LRRC27: variants seen among roughly 807,000 people sequenced by gnomAD.
LRRC27 encodes the protein leucine-rich repeat-containing protein 27.
Under a neutral mutation model 55.0 loss-of-function variants are expected in LRRC27, and 57 were observed. That is an observed-to-expected ratio of 1.04 (90% CI 0.84 to 1.29). The LOEUF is 1.29. Ranked by LOEUF, LRRC27 falls within the 50% of genes most tolerant of loss-of-function variation. The pLI is 0.00. For missense variants in LRRC27, 721 were observed against 651.5 expected, an observed-to-expected ratio of 1.11 and a Z score of -1.16; for synonymous variants, 278 against 251.9, an observed-to-expected ratio of 1.10 and a Z score of -0.98.
chr10:132,348,223 C>T lies in LRRC27; in HGVS notation c.793C>T (p.Leu265=), dbSNP rs762536825. ...SEEEIRRFWK[L]RQEIVEHVKA... ...GGAGGAGATCAGGCGCTTTTGGAAGCTGAGGCAGGAGATTGTTGAGCACGT... is the reference window on the plus strand; with the variant it reads ...GGAGGAGATCAGGCGCTTTTGGAAGTTGAGGCAGGAGATTGTTGAGCACGT... Residue 265 remains leucine, a synonymous_variant, in exon 6 of 11, where the codon CTG becomes TTG. Coordinates refer to ENST00000368614, the MANE Select transcript of LRRC27 (RefSeq NM_030626.3). The surrounding 1 kb of genome is among the most constrained non-coding windows in gnomAD (Gnocchi z 4.2). 6.2e-7 allele frequency: 1 copy of T among 1,614,092 alleles called. No individual in the cohort carries two copies. Among genetic ancestry groups the T allele is most frequent in the Non-Finnish European group, 8.5e-7 (1 of 1,180,044 alleles).
rs1336714355 is a variant in LRRC27 at position 132,344,621 on chromosome 10, A to C, written c.524A>C (p.His175Pro). 6 of 1,613,722 alleles carry C rather than the reference A, an allele frequency of 3.7e-6. No homozygotes were observed. Among genetic ancestry groups the C allele is most frequent in the Non-Finnish European group, 5.1e-6 (6 of 1,179,874 alleles). Residue 175 changes from histidine to proline, a missense_variant, in exon 5 of 11, where the codon CAC (histidine) becomes CCC (proline). Transcript: ENST00000368614. ...TTCCTGCGGATGTGGGCAGTAGAAC[A>C]CTCTCTCCCCAGAAATCCAACTTCT... is the stretch of plus-strand genomic sequence containing the variant. ...QRFLRMWAVE[H>P]SLPRNPTSQE...
chr10:132,369,091 T>G (rs577744187), intron 10 of LRRC27, among the ~76,000 whole-genome samples: 1 of 152,128 alleles, frequency 6.6e-6, no homozygotes, highest in African/African-American at 2.4e-5. Flanking sequence ...TTAAGGAGAT[T>G]CACCATCAAA....
intron 9 of LRRC27, among the ~76,000 whole-genome samples, chr10:132,364,479 A>ACGCTTACATCTACCTCCACG (rs1456549343): frequency 7.1e-5 from 8 of 112,418 alleles, no homozygotes; most frequent in East Asian, 6.9e-4. Flanking sequence ...ACTTACACCC[A>ACGCTTACATCTACCTCCACG]CCCACACTTA....
chr10:132,355,268 G>T (rs1297701223), intron 7 of LRRC27, among the ~76,000 whole-genome samples: 3 of 152,176 alleles, frequency 2.0e-5, no homozygotes, highest in African/African-American at 7.2e-5. Context: ...GTAGAGATGG[G>T]GTTTCACTGC....
At chr10:132,342,899 T>C (rs1314845715) in intron 4 of LRRC27, among the ~76,000 whole-genome samples, 1 of 152,178 alleles carries the variant, frequency 6.6e-6, no homozygotes, top group Non-Finnish European at 1.5e-5. Flanking sequence ...TGCTACCATG[T>C]AGACAGTATA....
intron 8 of LRRC27, among the ~76,000 whole-genome samples, chr10:132,360,968 C>T (rs758410513): frequency 2.6e-5 from 4 of 152,232 alleles, no homozygotes; most frequent in Non-Finnish European, 5.9e-5. Flanking sequence ...GCACTGGTCA[C>T]GCCGCCGTTG....
chr10:132,357,134 T>G (rs2133001954), intron 8 of LRRC27, among the ~76,000 whole-genome samples: 1 of 152,366 alleles, frequency 6.6e-6, no homozygotes, highest in East Asian at 1.9e-4. Flanking sequence ...CCAGCTTCCC[T>G]GATGGTGACA....
chr10:132,374,965 C>T lies in LRRC27; in HGVS notation c.1417-101C>T, dbSNP rs896277246. ...GCAGCGGGGCTGGCTCTGCTGACGC[C>T]CACATGGCCTGGGCCCCACGTGGAA... On this transcript the variant is annotated intron_variant, in intron 10 of 10. Transcript: ENST00000368614. This position sits in a 1 kb window ranked among gnomAD's most constrained non-coding sequence, Gnocchi z 4.4. 2.3e-6 allele frequency: 3 copies of T among 1,303,642 alleles called. No individual in the cohort carries two copies. The highest frequency in any genetic ancestry group is 1.5e-5 in the African/African-American group (1 of 67,512). The allele number at this position is 1,303,642 out of a possible 1,614,324, so 80.8% of individuals were successfully genotyped here.
At position 132,376,423 on chromosome 10, in the gene LRRC27, A is replaced by G. The variant is rs2069338016; in HGVS notation, c.*1181A>G. 2 of 152,276 alleles carry G rather than the reference A, an allele frequency of 1.3e-5. No homozygotes were observed. Among genetic ancestry groups the G allele is most frequent in the South Asian group, 4.1e-4 (2 of 4,838 alleles). The allele number at this position is 152,276 out of a possible 1,614,324, so 9.4% of individuals were successfully genotyped here. A position where few individuals can be genotyped will look rare whatever the true frequency, so the allele number is the denominator to read the frequency against. ...AAGCTTTCCATTCAGGAAGCTAGAA[A>G]AGGTGTCAGTGACCTGTTGCGGCCC... On this transcript the variant is annotated 3_prime_UTR_variant, in exon 11 of 11. Transcript: ENST00000368614.
In LRRC27 at chr10:132,344,496, A is replaced by C; in HGVS notation, c.401-2A>C. On this transcript the variant is annotated splice_acceptor_variant, in intron 4 of 10. Coordinates refer to ENST00000368614, the MANE Select transcript of LRRC27 (RefSeq NM_030626.3). LOFTEE classifies it high-confidence loss of function. ...TGACAGTTTTTTTTTCCTCCACTGC[A>C]GGGAGCGTAACCACGCTGAAAGCAC... 6.2e-7 allele frequency: 1 copy of C among 1,609,074 alleles called. No individual in the cohort carries two copies. The highest frequency in any genetic ancestry group is 8.5e-7 in the Non-Finnish European group (1 of 1,176,144).
At chr10:132,373,959 A>G (rs183471084) in intron 10 of LRRC27, among the ~76,000 whole-genome samples, 295 of 152,320 alleles carry the variant, frequency 1.9e-3, no homozygotes, top group African/African-American at 6.3e-3. Flanking sequence ...ATCAATGACT[A>G]CTTACTGGGT....
At position 132,372,640 on chromosome 10, in the gene LRRC27, G is replaced by A. The variant is rs2069245473; in HGVS notation, c.1417-2426G>A. Among the ~76,000 whole-genome samples, 1 of 152,140 alleles carries A rather than the reference G, an allele frequency of 6.6e-6. No homozygotes were observed. On this transcript the variant is annotated intron_variant, in intron 10 of 10. Transcript: ENST00000368614. This position sits in a 1 kb window ranked among gnomAD's most constrained non-coding sequence, Gnocchi z 4.0. ...TGGGTCTGCTTCCCTACTCTGCCCA[G>A]CCCACTGACTCCTCCAGCCTACCCA... is the stretch of plus-strand genomic sequence containing the variant.
intron 2 of LRRC27, chr10:132,337,103 T>A: frequency 8.1e-6 from 10 of 1,234,662 alleles, no homozygotes; most frequent in Non-Finnish European, 1.0e-5. Context: ...CCCTGTCTTT[T>A]AGTTTCATTT....
chr10:132,361,844 G>A (rs1223260503), intron 9 of LRRC27, among the ~76,000 whole-genome samples: 3 of 152,078 alleles, frequency 2.0e-5, no homozygotes, highest in Non-Finnish European at 2.9e-5. Flanking sequence ...CGAGCCCTCT[G>A]TAGTGGGTGC....
chr10:132,378,866 A>G lies in LRRC27; in HGVS notation c.*3624A>G. The G allele has an allele frequency of 6.5e-6, 1 of 154,866 alleles. No homozygotes were observed. Among genetic ancestry groups the G allele is most frequent in the South Asian group, 1.8e-4 (1 of 5,518 alleles). The allele number at this position is 154,866 out of a possible 1,614,324, so 9.6% of individuals were successfully genotyped here. ...CTCAGATGCCATCCTTCTCTTCTCCAGCATTTCCACTCACCTCCGTGTTCT... is the reference window on the plus strand; with the variant it reads ...CTCAGATGCCATCCTTCTCTTCTCCGGCATTTCCACTCACCTCCGTGTTCT... On this transcript the variant is annotated 3_prime_UTR_variant, in exon 11 of 11. Transcript: ENST00000368614.
At chr10:132,340,003 T>G (rs1328655982) in intron 3 of LRRC27, among the ~76,000 whole-genome samples, 1 of 152,240 alleles carries the variant, frequency 6.6e-6, no homozygotes, top group African/African-American at 2.4e-5. Context: ...GATTGTGGGC[T>G]TATTAAAGCC....
At chr10:132,332,077 G>T, upstream of LRRC27, 1 of 265,124 alleles carries the variant, frequency 3.8e-6, no homozygotes, top group East Asian at 7.5e-5. Flanking sequence ...ACCCCCGCGC[G>T]CAGGCGCACC....
intron 3 of LRRC27, among the ~76,000 whole-genome samples, chr10:132,338,716 T>A (rs1038474429): frequency 1.4e-4 from 21 of 150,410 alleles, no homozygotes; most frequent in Non-Finnish European, 2.7e-4. Flanking sequence ...CTTTCTTTTT[T>A]TTTTTTTTTT....
intron 10 of LRRC27, chr10:132,366,719 C>A: frequency 3.1e-6 from 2 of 645,132 alleles, no homozygotes; most frequent in South Asian, 2.4e-5. Context: ...CTGGTGCGAG[C>A]TGCATCGGGG....
Sources: allele counts gnomAD v4.1 joint callset (sites outside exome capture counted in the v4.1 genomes callset), GRCh38; gene constraint gnomAD v4.1.1; non-coding constraint Gnocchi (gnomAD v3.1); transcripts MANE v1.5; gene names NCBI Gene and HGNC (gene_info 2026-07-23, HGNC 2026-07-21).